LIPJ: variants seen among roughly 807,000 people sequenced by gnomAD.
The protein encoded by LIPJ is lipase family member J.
LIPJ carries 33 observed loss-of-function variants against 39.8 expected under a neutral mutation model. The ratio of observed to expected loss-of-function variants is 0.83; its 90% CI spans 0.63 to 1.11. The LOEUF (loss-of-function observed/expected upper bound fraction) is 1.11, where lower values mean the gene tolerates loss of function less well. LIPJ is among the 50% of genes least tolerant of loss of function. LIPJ has a pLI of 0.00. For missense variants in LIPJ, 422 were observed against 427.9 expected (o/e 0.99, Z 0.12); for synonymous variants, 128 against 139.2 (o/e 0.92, Z 0.57).
At chr10:88,616,159 A>G in the LIPJ span, among the ~76,000 whole-genome samples, 1 of 152,260 alleles carries the variant, frequency 6.6e-6, no homozygotes, top group East Asian at 1.9e-4. Context: ...CAGCTAATGC[A>G]TACAAAAACA....
chr10:88,586,835 T>C (rs1349343449), exon 1 of LIPJ: 1 of 152,162 alleles, frequency 6.6e-6, no homozygotes, highest in Non-Finnish European at 1.5e-5. Flanking sequence ...TAAATGAAGA[T>C]AGACCGGATG....
At chr10:88,590,011 G>A (rs919184803) in intron 2 of LIPJ, among the ~76,000 whole-genome samples, 1 of 151,556 alleles carries the variant, frequency 6.6e-6, no homozygotes, top group Non-Finnish European at 1.5e-5. Context: ...CTTTTGGGGG[G>A]AGAATCTGGA....
chr10:88,596,559 T>A, intron 7 of LIPJ, 143 bp downstream of exon 7: 1 of 969,218 alleles, frequency 1.0e-6, no homozygotes, highest in Non-Finnish European at 1.5e-6. Context: ...CTTGTTTTTG[T>A]TTCTGCAAAG....
chr10:88,594,666 G>T lies in LIPJ; in HGVS notation c.330-1G>T. 1.4e-6 allele frequency: 2 copies of T among 1,475,928 alleles called. No individual in the cohort carries two copies. Among genetic ancestry groups the T allele is most frequent in the Non-Finnish European group, 1.8e-6 (2 of 1,094,196 alleles). 91.4% of individuals were successfully genotyped at this position (1,475,928 alleles called of 1,614,324 possible). On this transcript the variant is annotated splice_acceptor_variant, in intron 5 of 10. Transcript: ENST00000371939. LOFTEE classifies it high-confidence loss of function. ...TTTTTATTTTCCTCTTTCTTTTGTA[G>T]TTTTGATGAGATGGCAAAATATGAC...
exon 11 of LIPJ, chr10:88,606,799 T>G (rs1053525404): frequency 1.2e-6 from 2 of 1,612,896 alleles, no homozygotes; most frequent in African/African-American, 2.7e-5. Context: ...CAAACCACAT[T>G]TATTATAAAA....
At chr10:88,592,496 T>C (rs547350300) in intron 4 of LIPJ, 1 of 151,926 alleles carries the variant, frequency 6.6e-6, no homozygotes, top group South Asian at 2.1e-4. Context: ...TAGGATAAAG[T>C]AGGGTAAAGA....
chr10:88,614,220 G>C, the LIPJ span, among the ~76,000 whole-genome samples: 1 of 151,968 alleles, frequency 6.6e-6, no homozygotes, highest in South Asian at 2.1e-4. Context: ...AATCCTTTTA[G>C]AGATGTATGG....
At chr10:88,599,447 CATT>C (rs917129682) in intron 8 of LIPJ, among the ~76,000 whole-genome samples, 33 of 151,966 alleles carry the variant, frequency 2.2e-4, no homozygotes, top group African/African-American at 6.8e-4. Flanking sequence ...TGGCAACCAC[CATT>C]TTACTCTGTT....
chr10:88,602,160 T>G (rs1851506441), intron 8 of LIPJ, among the ~76,000 whole-genome samples: 2 of 152,226 alleles, frequency 1.3e-5, no homozygotes, highest in African/African-American at 4.8e-5. Context: ...TCTCCTGGAC[T>G]GACAAATAAC....
downstream of LIPJ, among the ~76,000 whole-genome samples, chr10:88,609,429 A>C (rs1851724134): frequency 6.6e-6 from 1 of 152,232 alleles, no homozygotes; most frequent in Non-Finnish European, 1.5e-5. Context: ...ATGATCCTTC[A>C]AAGAAGGCAA....
upstream of LIPJ, chr10:88,583,298 C>CCCTGGGCCGA (rs1850772159): frequency 6.6e-7 from 1 of 1,508,550 alleles, no homozygotes; most frequent in African/African-American, 1.4e-5. Context: ...GTTCCGTGCT[C>CCCTGGGCCGA]CCTGGGCCGA....
At chr10:88,596,730 A>C in intron 7 of LIPJ, 60 bp from the exon 8 acceptor site, 1 of 1,374,922 alleles carries the variant, frequency 7.3e-7, no homozygotes, top group Non-Finnish European at 1.0e-6. Flanking sequence ...AATTACCACA[A>C]CATTTCTTTA....
rs561538840 is a variant in LIPJ at position 88,603,127 on chromosome 10, T to C, written c.795+480T>C. Among the ~76,000 whole-genome samples the C allele has an allele frequency of 3.9e-5, 6 of 152,128 alleles. No homozygotes were observed. In the East Asian group the frequency reaches 9.6e-4, roughly 24 times the overall value. The stretch of plus-strand genomic sequence containing the variant: ...TAAAAATAAAATGTTAGTATCATAA[T>C]TTAATTAATTCTCTAAACCTAAGTA... On this transcript the variant is annotated intron_variant, in intron 9 of 10. Coordinates refer to ENST00000371939, the Ensembl canonical transcript of LIPJ.
chr10:88,594,992 G>C (rs934377614), intron 6 of LIPJ, among the ~76,000 whole-genome samples: 1 of 151,642 alleles, frequency 6.6e-6, no homozygotes, highest in Non-Finnish European at 1.5e-5. Context: ...AGACAAGGTT[G>C]GTTGTGGTTT....
chr10:88,619,741 T>A, the LIPJ span, among the ~76,000 whole-genome samples: 1 of 152,064 alleles, frequency 6.6e-6, no homozygotes, highest in South Asian at 2.1e-4. Context: ...CACACAAACA[T>A]GAAGCAAAAA....
intron 9 of LIPJ, among the ~76,000 whole-genome samples, chr10:88,603,950 T>C (rs1590088635): frequency 6.6e-6 from 1 of 152,228 alleles, no homozygotes; most frequent in East Asian, 1.9e-4. Flanking sequence ...ATATTTATTG[T>C]ATACCTACTA....
chr10:88,600,099 A>G (rs1168965751), intron 8 of LIPJ, among the ~76,000 whole-genome samples: 1 of 152,062 alleles, frequency 6.6e-6, no homozygotes, highest in African/African-American at 2.4e-5. Flanking sequence ...TGTATCATTT[A>G]TTATTACTTA....
chr10:88,598,722 C>T (rs899032033), intron 8 of LIPJ, among the ~76,000 whole-genome samples: 8 of 151,642 alleles, frequency 5.3e-5, no homozygotes, highest in Middle Eastern at 3.4e-3. Flanking sequence ...CAGAACAGTG[C>T]GATTTGGGTT....
At chr10:88,588,151 A>G (rs1296841698) in intron 2 of LIPJ, among the ~76,000 whole-genome samples, 1 of 151,932 alleles carries the variant, frequency 6.6e-6, no homozygotes, top group African/African-American at 2.4e-5. Flanking sequence ...AAGTTTCAGT[A>G]ACTGAATTGA....
Sources: gnomAD v4.1 joint callset for allele counts (sites outside exome capture counted in the v4.1 genomes callset) on GRCh38, gnomAD v4.1.1 for gene constraint, MANE v1.5 for transcripts, NCBI Gene and HGNC (gene_info 2026-07-23, HGNC 2026-07-21) for gene names.